SRFBP1: variants seen among roughly 807,000 people sequenced by gnomAD.
The protein encoded by SRFBP1 is serum response factor-binding protein 1.
SRFBP1 carries 47 observed loss-of-function variants against 45.5 expected under a neutral mutation model. The observed-to-expected ratio is 1.03, with a 90% CI of 0.82 to 1.32. The LOEUF (loss-of-function observed/expected upper bound fraction) is 1.32, where lower values mean the gene tolerates loss of function less well. Ranked by LOEUF, SRFBP1 falls within the 40% of genes most tolerant of loss-of-function variation. The pLI, the probability that SRFBP1 is intolerant of heterozygous loss-of-function variation, is 0.00. For synonymous variants in SRFBP1, 203 were observed against 166.3 expected, an observed-to-expected ratio of 1.22 and a Z score of -1.70; for missense variants, 621 against 484.6, an observed-to-expected ratio of 1.28 and a Z score of -2.64.
intron 4 of SRFBP1, among the ~76,000 whole-genome samples, chr5:122,018,021 T>C (rs978983752): frequency 6.6e-6 from 1 of 152,160 alleles, no homozygotes; most frequent in Non-Finnish European, 1.5e-5. Context: ...GTAAGTGATG[T>C]GAAGTAAATA....
intron 4 of SRFBP1, among the ~76,000 whole-genome samples, chr5:122,002,008 CTTATA>C (rs1405127099): frequency 1.3e-5 from 2 of 152,138 alleles, no homozygotes; most frequent in Non-Finnish European, 2.9e-5. Flanking sequence ...AATACTCATT[CTTATA>C]TTACATATTG....
chr5:122,065,165 C>T (rs769824661), intron 2 of SRFBP1: 4 of 151,970 alleles, frequency 2.6e-5, no homozygotes, highest in Middle Eastern at 3.2e-3. Context: ...TCATATGTAC[C>T]GCTATATCCG....
chr5:121,984,473 G>A (rs922530203), intron 3 of SRFBP1, among the ~76,000 whole-genome samples: 13 of 151,598 alleles, frequency 8.6e-5, no homozygotes, highest in South Asian at 2.1e-4. Flanking sequence ...GCCTTTTTAC[G>A]CAGTGTTCAG....
At position 121,989,435 on chromosome 5, in the gene SRFBP1, A is replaced by G. The variant is rs888482696; in HGVS notation, c.199-5164A>G. On this transcript the variant is annotated intron_variant, in intron 3 of 7. Transcript: ENST00000339397. ...TTAATCATTTTACTTAGCATTAACA[A>G]TATACACTAGGAAGAGCATGGTGTA... Among the ~76,000 whole-genome samples the G allele has an allele frequency of 3.3e-5, 5 of 152,162 alleles. No homozygotes were observed. The East Asian group carries it at 5.8e-4, about 18-fold the overall frequency.
intron 3 of SRFBP1, among the ~76,000 whole-genome samples, chr5:121,978,682 A>AGGTGTTGCCATGTT (rs1263026001): frequency 6.6e-6 from 1 of 151,986 alleles, no homozygotes; most frequent in African/African-American, 2.4e-5. Flanking sequence ...AGTAGAGACA[A>AGGTGTTGCCATGTT]GGTGTTGCCA....
chr5:121,980,641 T>A (rs1334158760), intron 3 of SRFBP1, among the ~76,000 whole-genome samples: 1 of 152,180 alleles, frequency 6.6e-6, no homozygotes, highest in Non-Finnish European at 1.5e-5. Flanking sequence ...GTTCATATGC[T>A]GGGTAATTTT....
chr5:122,010,230 G>A (rs900822324), intron 4 of SRFBP1, among the ~76,000 whole-genome samples: 7 of 152,056 alleles, frequency 4.6e-5, no homozygotes, highest in African/African-American at 1.7e-4. Flanking sequence ...GCCTCTGCTT[G>A]CCTAGAATTC....
chr5:122,055,913 T>G (rs186876221), intron 2 of SRFBP1, among the ~76,000 whole-genome samples: 118 of 152,300 alleles, frequency 7.7e-4, no homozygotes, highest in African/African-American at 2.1e-3. Flanking sequence ...TAATTTTATT[T>G]GTTTCCTGTT....
intron 3 of SRFBP1, among the ~76,000 whole-genome samples, chr5:121,976,638 A>G (rs1171510199): frequency 6.6e-6 from 1 of 151,578 alleles, no homozygotes; most frequent in African/African-American, 2.4e-5. Context: ...TCTTCTGAAT[A>G]GTCATTTTTG....
At chr5:122,049,646 T>C (rs534068228) in intron 2 of SRFBP1, among the ~76,000 whole-genome samples, 1 of 152,204 alleles carries the variant, frequency 6.6e-6, no homozygotes, top group East Asian at 1.9e-4. Context: ...CCCCAGCAAA[T>C]GTAAAAGAAC....
intron 3 of SRFBP1, among the ~76,000 whole-genome samples, chr5:121,990,241 T>A (rs2112669893): frequency 6.6e-6 from 1 of 152,166 alleles, no homozygotes; most frequent in South Asian, 2.1e-4. Flanking sequence ...TGTGCAGCCA[T>A]AAAAAAAGAA....
chr5:122,040,239 A>G (rs757171148), intron 2 of SRFBP1, among the ~76,000 whole-genome samples: 92 of 152,282 alleles, frequency 6.0e-4, no homozygotes, highest in Non-Finnish European at 1.1e-3. Context: ...GCATAAAATC[A>G]TGGATTTGCC....
intron 3 of SRFBP1, among the ~76,000 whole-genome samples, chr5:121,990,925 C>T (rs1006685081): frequency 3.3e-5 from 5 of 152,116 alleles, no homozygotes; most frequent in Non-Finnish European, 7.3e-5. Context: ...TATAATGATT[C>T]TTTAGTGCCC....
chr5:122,061,435 C>G (rs1164710896), intron 2 of SRFBP1, among the ~76,000 whole-genome samples: 12 of 150,426 alleles, frequency 8.0e-5, no homozygotes, highest in Non-Finnish European at 1.6e-4. Flanking sequence ...TTTGTGCCTA[C>G]TTCCCATAAT....
Position 122,020,784 on chromosome 5 carries a change from G to T in SRFBP1, c.1049G>T (p.Gly350Val). The T allele has an allele frequency of 1.3e-6, 2 of 1,568,580 alleles. No homozygotes were observed. Among genetic ancestry groups the T allele is most frequent in the Non-Finnish European group, 1.7e-6 (2 of 1,163,686 alleles). The change falls in exon 6 of 8, where the codon GGA becomes GTA. Residue 350 changes from glycine to valine, a missense_variant. By Grantham distance (109) the Gly-to-Val change is moderately radical. Transcript: ENST00000339397. ...TCAGTGTTTTTCCACTCTTTATCTG[G>T]ATCTAAAAGCTCTAGAAGGTAAGAT... ...LESVFFHSLS[G>V]SKSSRRNFKE...
At chr5:122,041,031 A>G (rs1014864783) in intron 2 of SRFBP1, among the ~76,000 whole-genome samples, 2 of 152,198 alleles carry the variant, frequency 1.3e-5, no homozygotes, top group Admixed American at 6.5e-5. Context: ...ACAGTGGTTG[A>G]TACATAGTAA....
At chr5:121,971,958 T>A (rs1752208597) in intron 1 of SRFBP1, among the ~76,000 whole-genome samples, 1 of 151,932 alleles carries the variant, frequency 6.6e-6, no homozygotes. Context: ...TTGTGTGGCA[T>A]GCAGAAATAG....
At chr5:122,073,932 A>G (rs1394477556) in intron 2 of SRFBP1, 7 of 1,287,540 alleles carry the variant, frequency 5.4e-6, no homozygotes, top group Non-Finnish European at 7.7e-6. Context: ...TCTTCATGAA[A>G]TGCTATTTAA....
intron 4 of SRFBP1, among the ~76,000 whole-genome samples, chr5:122,018,540 T>A (rs1017509478): frequency 1.3e-5 from 2 of 152,112 alleles, no homozygotes; most frequent in Admixed American, 6.5e-5. Context: ...AGAAGCAGAT[T>A]TGTGAGGAAA....
Sources: allele counts gnomAD v4.1 joint callset (sites outside exome capture counted in the v4.1 genomes callset), GRCh38; gene constraint gnomAD v4.1.1; transcripts MANE v1.5; gene names NCBI Gene and HGNC (gene_info 2026-07-23, HGNC 2026-07-21).